Variants in SPAG17 observed in about 807,000 individuals in gnomAD.
SPAG17 encodes sperm associated antigen 17, also known as sperm-associated antigen 17.
A neutral mutation model predicts 273.6 loss-of-function variants in SPAG17; 169 were observed. The observed-to-expected ratio is 0.62, with a 90% CI of 0.55 to 0.70. The LOEUF is 0.70. SPAG17 is among the 30% of genes least tolerant of loss of function. The pLI, the probability that SPAG17 is intolerant of heterozygous loss-of-function variation, is 0.00. For missense variants in SPAG17, 2,557 were observed against 2,627.8 expected (o/e 0.97, Z 0.59); for synonymous variants, 825 against 873.2 (o/e 0.94, Z 0.97).
At chr1:117,977,080 TG>T (rs1190291940) in intron 43 of SPAG17, among the ~76,000 whole-genome samples, 1 of 151,240 alleles carries the variant, frequency 6.6e-6, no homozygotes, top group Admixed American at 6.6e-5. Flanking sequence ...GAGGCCGAGG[TG>T]GGCAGATCAC....
At chr1:118,167,469 A>C (rs542791713) in intron 1 of SPAG17, among the ~76,000 whole-genome samples, 1 of 152,306 alleles carries the variant, frequency 6.6e-6, no homozygotes, top group South Asian at 2.1e-4. Flanking sequence ...ATGATACTTA[A>C]AGAAACATTA....
chr1:118,006,230 GA>G (rs1279450401), intron 31 of SPAG17, among the ~76,000 whole-genome samples: 1 of 152,190 alleles, frequency 6.6e-6, no homozygotes, highest in Non-Finnish European at 1.5e-5. Flanking sequence ...ATCGCCCAAA[GA>G]AACGCTGATC....
intron 3 of SPAG17, among the ~76,000 whole-genome samples, chr1:118,146,857 T>G (rs181314394): frequency 3.3e-5 from 5 of 152,294 alleles, no homozygotes; most frequent in African/African-American, 1.2e-4. Context: ...CTTTTAGAAT[T>G]GTGATGTGGG....
At chr1:118,030,358 T>C (rs538805100) in intron 25 of SPAG17, among the ~76,000 whole-genome samples, 1 of 152,290 alleles carries the variant, frequency 6.6e-6, no homozygotes, top group African/African-American at 2.4e-5. Context: ...GTACCAATAG[T>C]CAAGACTTAA....
At chr1:118,041,603 G>A (rs1450270736) in intron 21 of SPAG17, among the ~76,000 whole-genome samples, 200 bp downstream of exon 21, 4 of 151,982 alleles carry the variant, frequency 2.6e-5, no homozygotes, top group African/African-American at 7.2e-5. Flanking sequence ...CTGACCTGAG[G>A]GTGTTTTCAT....
chr1:118,150,004 G>A (rs887025930), intron 3 of SPAG17, among the ~76,000 whole-genome samples: 14 of 152,154 alleles, frequency 9.2e-5, no homozygotes, highest in African/African-American at 3.4e-4. Context: ...GTTGGAAATG[G>A]AACGGACCAT....
chr1:118,094,421 A>G (rs72631725), intron 7 of SPAG17, among the ~76,000 whole-genome samples: 10,336 of 152,212 alleles, frequency 0.068, 512 homozygotes, highest in East Asian at 0.26. Flanking sequence ...GTTATCATGC[A>G]TTGAAGGGCA....
At chr1:118,093,572 A>G (rs1558008208) in intron 7 of SPAG17, among the ~76,000 whole-genome samples, 3 of 152,216 alleles carry the variant, frequency 2.0e-5, no homozygotes. Context: ...TAAGAGCCTA[A>G]TTAATGCTTC....
At chr1:118,135,661 G>A (rs780683783) in intron 3 of SPAG17, among the ~76,000 whole-genome samples, 1 of 152,108 alleles carries the variant, frequency 6.6e-6, no homozygotes, top group African/African-American at 2.4e-5. Flanking sequence ...TTCTAAATGT[G>A]AGATGTTTTC....
chr1:117,958,976 A>G, intron 48 of SPAG17: 1 of 1,614,068 alleles, frequency 6.2e-7, no homozygotes, highest in Non-Finnish European at 8.5e-7. Context: ...TAAGGGAAAC[A>G]ACTATTTCAA....
Position 118,039,429 on chromosome 1 carries a change from T to C in SPAG17, c.3182A>G (p.Lys1061Arg), listed in dbSNP as rs753774911. ...TMFEKGPTFI[K>R]VRVVKDNHNF... ...GTGGTTGTCCTTTACCACTCTCACT[T>C]TGATAAAAGTTGGGCCTGAGGAGGA... Residue 1061 changes from lysine to arginine, a missense_variant, in exon 23 of 49, where the codon AAA (lysine) becomes AGA (arginine). Lys to Arg is a conservative substitution (Grantham distance 26, BLOSUM62 2). Transcript: ENST00000336338. The C allele has an allele frequency of 1.2e-6, 2 of 1,613,338 alleles. No homozygotes were observed. Among genetic ancestry groups the C allele is most frequent in the East Asian group, 2.2e-5 (1 of 44,860 alleles).
intron 48 of SPAG17, chr1:117,961,309 CTG>C (rs1557836013): frequency 6.6e-6 from 1 of 151,990 alleles, no homozygotes; most frequent in Non-Finnish European, 1.5e-5. Context: ...AAAAAAAAAT[CTG>C]TATAACAGTG....
In SPAG17 at chr1:118,101,642, CTA is replaced by C; in HGVS notation, c.634+96_634+97del. On this transcript the variant is annotated intron_variant, in intron 5 of 48. Coordinates refer to ENST00000336338, the MANE Select transcript of SPAG17 (RefSeq NM_206996.4). ...TTGTGGGGGAATTGGCGTCAGGAAA[CTA>C]TGCGCTCTATGTGAGTCACCAAATT... 2.5e-6 allele frequency: 3 copies of C among 1,204,788 alleles called. No homozygotes were observed. The South Asian group carries it at 4.4e-5, about 18-fold the overall frequency. 74.6% of individuals were successfully genotyped at this position (1,204,788 alleles called of 1,614,324 possible).
chr1:118,176,610 T>C (rs1453923133), intron 1 of SPAG17, among the ~76,000 whole-genome samples: 11 of 152,202 alleles, frequency 7.2e-5, no homozygotes, highest in Admixed American at 6.5e-5. Flanking sequence ...ACAATGATTA[T>C]AGAGGACCTA....
intron 26 of SPAG17, 84 bp downstream of exon 26, chr1:118,028,190 A>C: frequency 6.9e-7 from 1 of 1,458,902 alleles, no homozygotes; most frequent in Non-Finnish European, 9.3e-7. Flanking sequence ...ATGTATGTTT[A>C]ACTGGCATGA....
intron 18 of SPAG17, among the ~76,000 whole-genome samples, chr1:118,062,284 A>T (rs982824604): frequency 7.2e-6 from 1 of 139,672 alleles, no homozygotes. Flanking sequence ...GGAGAATGGC[A>T]CGAACCCGGG....
rs1655496094 is a variant in SPAG17, at chr1:118,093,185, G to T, written c.1144C>A (p.Pro382Thr). Residue 382 changes from proline (P) to threonine (T), a missense_variant, in exon 8 of 49, where the codon CCT becomes ACT. Pro to Thr is a conservative substitution (Grantham distance 38, BLOSUM62 -1). Transcript: ENST00000336338. ...INVPQVVNEKPVLEAMPTSEA... is the reference protein window; with the variant it reads ...INVPQVVNEKTVLEAMPTSEA... ...GAAGTTGGCATGGCTTCTAATACAG[G>T]TTTCTCATTAACCACTTGTGGAACA... 6.2e-7 allele frequency: 1 copy of T among 1,613,396 alleles called. No individual in the cohort carries two copies. Among genetic ancestry groups the T allele is most frequent in the Admixed American group, 1.7e-5 (1 of 59,960 alleles).
intron 3 of SPAG17, among the ~76,000 whole-genome samples, chr1:118,130,419 T>C (rs941542078): frequency 4.6e-5 from 7 of 152,222 alleles, no homozygotes; most frequent in Non-Finnish European, 8.8e-5. Context: ...TTAAGAATTA[T>C]GCAAAGGTCA....
intron 15 of SPAG17, among the ~76,000 whole-genome samples, chr1:118,077,102 A>G (rs186191073): frequency 1.3e-3 from 191 of 152,310 alleles, no homozygotes; most frequent in African/African-American, 3.7e-3. Flanking sequence ...TTTGATGCTA[A>G]AATGGTTGTG....
Sources: gnomAD v4.1 joint callset for allele counts (sites outside exome capture counted in the v4.1 genomes callset) on GRCh38, gnomAD v4.1.1 for gene constraint, MANE v1.5 for transcripts, NCBI Gene and HGNC (gene_info 2026-07-23, HGNC 2026-07-21) for gene names.